The following FTO variants were observed in gnomAD, a reference collection of about 807,000 sequenced individuals.
The protein encoded by FTO is alpha-ketoglutarate-dependent dioxygenase FTO.
A neutral mutation model predicts 63.9 loss-of-function variants in FTO; 47 were observed. That is an observed-to-expected ratio of 0.74 (90% confidence interval 0.58 to 0.94). The LOEUF (loss-of-function observed/expected upper bound fraction) is 0.94, where lower values mean the gene tolerates loss of function less well. Ranked by LOEUF, FTO falls within the 40% of genes least tolerant of loss-of-function variation. The pLI, the probability that FTO is intolerant of heterozygous loss-of-function variation, is 0.00. For missense variants in FTO, 562 were observed against 618.1 expected, an observed-to-expected ratio of 0.91 and a Z score of 0.96; for synonymous variants, 207 against 224.4, an observed-to-expected ratio of 0.92 and a Z score of 0.69.
At chr16:53,726,726 C>T (rs1388585014) in intron 1 of FTO, among the ~76,000 whole-genome samples, 6 of 152,212 alleles carry the variant, frequency 3.9e-5, no homozygotes, top group Non-Finnish European at 7.3e-5. Flanking sequence ...ACAGCCACTC[C>T]TTGCTGCTTC....
intron 8 of FTO, among the ~76,000 whole-genome samples, chr16:54,017,579 A>G (rs2084482439): frequency 6.6e-6 from 1 of 152,144 alleles, no homozygotes; most frequent in African/African-American, 2.4e-5. Context: ...TTTCTTTCTT[A>G]TTTAGAAATA....
intron 8 of FTO, among the ~76,000 whole-genome samples, chr16:53,961,268 T>G (rs977057249): frequency 3.3e-5 from 5 of 152,130 alleles, no homozygotes; most frequent in African/African-American, 1.2e-4. Context: ...AATTAAACTG[T>G]CGCAGGCTGC....
chr16:53,861,354 A>G (rs1054458597), intron 4 of FTO, among the ~76,000 whole-genome samples: 7 of 152,280 alleles, frequency 4.6e-5, no homozygotes, highest in South Asian at 2.1e-4. Flanking sequence ...AAGTGTTCCA[A>G]TTTACAAATA....
intron 1 of FTO, chr16:53,711,319 G>A (rs1029190882): frequency 7.5e-6 from 3 of 397,662 alleles, no homozygotes; most frequent in Non-Finnish European, 1.3e-5. Flanking sequence ...AGAAAATTGA[G>A]AATATAGTCA....
chr16:53,706,255 T>C (rs2075617383), intron 1 of FTO, among the ~76,000 whole-genome samples: 1 of 152,182 alleles, frequency 6.6e-6, no homozygotes, highest in African/African-American at 2.4e-5. Flanking sequence ...GGCTCATGAA[T>C]TATCTTCTCT....
intron 1 of FTO, among the ~76,000 whole-genome samples, chr16:53,764,715 G>A (rs2077156435): frequency 6.6e-6 from 1 of 150,430 alleles, no homozygotes; most frequent in Non-Finnish European, 1.5e-5. Flanking sequence ...AAATTGGTCT[G>A]TTCTTTTTTT....
At chr16:53,775,168 C>T (rs1785609960) in intron 1 of FTO, among the ~76,000 whole-genome samples, 1 of 152,118 alleles carries the variant, frequency 6.6e-6, no homozygotes, top group African/African-American at 2.4e-5. Context: ...ATATCTACCT[C>T]TTCCCCCAGC....
upstream of FTO, chr16:53,703,980 T>C: frequency 1.5e-6 from 1 of 650,768 alleles, no homozygotes. Context: ...CTTCCAGCTG[T>C]CGGACCTGGG....
At chr16:53,942,295 C>T (rs961793382) in intron 8 of FTO, among the ~76,000 whole-genome samples, 1 of 152,132 alleles carries the variant, frequency 6.6e-6, no homozygotes, top group Non-Finnish European at 1.5e-5. Context: ...GCCCTTATTC[C>T]AGCATGAGCA....
At chr16:53,870,253 CCCTT>C (rs2080457112) in intron 4 of FTO, among the ~76,000 whole-genome samples, 1 of 151,796 alleles carries the variant, frequency 6.6e-6, no homozygotes, top group Non-Finnish European at 1.5e-5. Context: ...GCTATTTTTT[CCCTT>C]CCTTCTGCCA....
intron 1 of FTO, among the ~76,000 whole-genome samples, chr16:53,775,389 A>C (rs942863412): frequency 4.6e-5 from 7 of 151,906 alleles, no homozygotes; most frequent in Non-Finnish European, 1.0e-4. Flanking sequence ...TTTCATTTCC[A>C]TTGCTGTCTC....
chr16:54,061,149 G>A (rs1272245416), intron 8 of FTO, among the ~76,000 whole-genome samples: 1 of 152,124 alleles, frequency 6.6e-6, no homozygotes, highest in African/African-American at 2.4e-5. Context: ...ATTAGATAAG[G>A]GAAGGACACA....
intron 8 of FTO, among the ~76,000 whole-genome samples, chr16:54,053,031 TTGGAGTGGG>T (rs1258525206): frequency 2.0e-5 from 3 of 152,270 alleles, no homozygotes; most frequent in African/African-American, 7.2e-5. Flanking sequence ...TTCCCAGTAT[TTGGAGTGGG>T]TGGGCTGCTT....
intron 8 of FTO, among the ~76,000 whole-genome samples, chr16:53,957,684 C>A (rs1013108194): frequency 1.3e-5 from 2 of 152,242 alleles, no homozygotes; most frequent in Admixed American, 6.5e-5. Context: ...TTATTCAAAT[C>A]TCTTCTTCCC....
chr16:53,859,916 C>T (rs1011021820), intron 4 of FTO, among the ~76,000 whole-genome samples: 3 of 152,096 alleles, frequency 2.0e-5, no homozygotes, highest in Admixed American at 1.3e-4. Context: ...TTTCATATGA[C>T]CCAGCGATTC....
At chr16:53,757,630 C>G (rs2076954622) in intron 1 of FTO, among the ~76,000 whole-genome samples, 1 of 151,992 alleles carries the variant, frequency 6.6e-6, no homozygotes. Context: ...AAAAGAGCCA[C>G]TGGGGCTTTT....
intron 8 of FTO, among the ~76,000 whole-genome samples, chr16:53,965,463 T>C (rs1023721161): frequency 2.6e-5 from 4 of 152,144 alleles, no homozygotes; most frequent in African/African-American, 9.7e-5. Flanking sequence ...TTTAACTGTG[T>C]GGCATGTTTG....
intron 7 of FTO, among the ~76,000 whole-genome samples, chr16:53,889,754 G>A (rs569191414): frequency 5.3e-4 from 81 of 152,180 alleles, no homozygotes; most frequent in Non-Finnish European, 9.4e-4. Context: ...TAGTGCAGAT[G>A]ATGTGGGAGG....
chr16:53,753,309 G>A lies in FTO; in HGVS notation c.45+49080G>A, dbSNP rs538700075. 4.0e-5 allele frequency among the ~76,000 whole-genome samples: 6 copies of A among 151,262 alleles called. No homozygotes were observed. The South Asian group carries it at 1.3e-3, about 32-fold the overall frequency. On this transcript the variant is annotated intron_variant, in intron 1 of 8. Coordinates refer to ENST00000471389, the MANE Select transcript of FTO (RefSeq NM_001080432.3). The stretch of plus-strand genomic sequence containing the variant: ...TGCAAAACCAGAAAAACCAGGGATG[G>A]GTTTTCAGTGTGGGCATTTATTTGA...
Sources: gnomAD v4.1 joint callset for allele counts (sites outside exome capture counted in the v4.1 genomes callset) on GRCh38, gnomAD v4.1.1 for gene constraint, MANE v1.5 for transcripts, NCBI Gene and HGNC (gene_info 2026-07-23, HGNC 2026-07-21) for gene names.